Variants in TMEM51 observed in about 807,000 individuals in gnomAD.
TMEM51 encodes the protein transmembrane protein 51, also known as chromosome 1 open reading frame 72.
TMEM51 carries 8 observed loss-of-function variants against 13.6 expected under a neutral mutation model. The ratio of observed to expected loss-of-function variants is 0.59; its 90% confidence interval spans 0.35 to 1.07. The LOEUF is 1.07. Ranked by LOEUF, TMEM51 falls within the 50% of genes least tolerant of loss-of-function variation. The pLI, the probability that TMEM51 is intolerant of heterozygous loss-of-function variation, is 0.02. For missense variants in TMEM51, 279 were observed against 330.7 expected, an observed-to-expected ratio of 0.84 and a Z score of 1.21; for synonymous variants, 147 against 144.4, an observed-to-expected ratio of 1.02 and a Z score of -0.13.
chr1:15,155,576 C>G (rs1642562398), intron 1 of TMEM51, among the ~76,000 whole-genome samples: 2 of 152,196 alleles, frequency 1.3e-5, no homozygotes, highest in South Asian at 4.1e-4. Flanking sequence ...CATCAGGGAA[C>G]TGGAGTCCCC....
At chr1:15,210,614 G>C (rs1644323696) in intron 2 of TMEM51, 52 bp downstream of exon 2, 1 of 152,128 alleles carries the variant, frequency 6.6e-6, no homozygotes, top group African/African-American at 2.4e-5. Flanking sequence ...CTCAGATATA[G>C]AATCATTCAT....
At chr1:15,197,027 C>T (rs546638238) in intron 1 of TMEM51, among the ~76,000 whole-genome samples, 2 of 152,214 alleles carry the variant, frequency 1.3e-5, no homozygotes, top group African/African-American at 2.4e-5. Flanking sequence ...AGGACTCACT[C>T]CCTGCCGTTT....
chr1:15,156,464 G>A (rs1642596559), intron 1 of TMEM51, among the ~76,000 whole-genome samples: 1 of 152,226 alleles, frequency 6.6e-6, no homozygotes, highest in African/African-American at 2.4e-5. Context: ...TGGGAGTCAT[G>A]CAAAAGAGAA....
At chr1:15,155,149 C>T (rs1407377085) in intron 1 of TMEM51, among the ~76,000 whole-genome samples, 1 of 152,172 alleles carries the variant, frequency 6.6e-6, no homozygotes, top group Non-Finnish European at 1.5e-5. Context: ...TTGAGAGGTA[C>T]CCCCAGACTG....
chr1:15,169,549 G>A (rs1472083125), intron 1 of TMEM51, among the ~76,000 whole-genome samples: 19 of 152,128 alleles, frequency 1.2e-4, no homozygotes, highest in African/African-American at 3.1e-4. Flanking sequence ...AAAGCTGATC[G>A]CCCTTCCACC....
At chr1:15,213,707 G>T (rs189865205) in intron 2 of TMEM51, among the ~76,000 whole-genome samples, 58 of 152,290 alleles carry the variant, frequency 3.8e-4, no homozygotes, top group African/African-American at 1.3e-3. Flanking sequence ...TGTCCAGCTG[G>T]GCACAGGAGC....
intron 1 of TMEM51, among the ~76,000 whole-genome samples, chr1:15,154,735 A>G (rs1208455553): frequency 1.3e-5 from 2 of 152,150 alleles, no homozygotes; most frequent in Non-Finnish European, 2.9e-5. Context: ...TGGGGGCGAG[A>G]GACCTGGCCC....
intron 1 of TMEM51, among the ~76,000 whole-genome samples, chr1:15,165,639 C>A (rs1475266476): frequency 6.6e-6 from 1 of 152,118 alleles, no homozygotes; most frequent in Non-Finnish European, 1.5e-5. Context: ...CCCGAGGTAA[C>A]AATTTATGGT....
At chr1:15,164,658 G>C (rs1392767782) in intron 1 of TMEM51, among the ~76,000 whole-genome samples, 1 of 151,960 alleles carries the variant, frequency 6.6e-6, no homozygotes, top group Non-Finnish European at 1.5e-5. Flanking sequence ...TTATAAAAGA[G>C]ATTATTGAAA....
chr1:15,153,397 A>ACG (rs1030543000), upstream of TMEM51, among the ~76,000 whole-genome samples: 36 of 147,864 alleles, frequency 2.4e-4, no homozygotes, highest in Admixed American at 6.6e-4. Flanking sequence ...CGTCACACAC[A>ACG]CGCGCGTGCG....
chr1:15,213,613 A>G (rs553376132), intron 2 of TMEM51, among the ~76,000 whole-genome samples: 1 of 152,282 alleles, frequency 6.6e-6, no homozygotes, highest in East Asian at 1.9e-4. Context: ...CTCTCAACCA[A>G]CAAATGCTGT....
chr1:15,171,318 A>G (rs2100836976), intron 1 of TMEM51: 1 of 1,303,990 alleles, frequency 7.7e-7, no homozygotes, highest in Non-Finnish European at 1.0e-6. Context: ...TCTATGACCT[A>G]TGAGATAAGG....
chr1:15,219,890 C>G lies in TMEM51; in HGVS notation c.*147C>G, dbSNP rs1644491479. On this transcript the variant is annotated 3_prime_UTR_variant, in exon 4 of 4. Transcript: ENST00000376008. ...ATGGCGGCGGGCGGGGGGGGATTCTCTGTATCAGGAGTGACTTTGTTGCCC... is the reference window on the plus strand; with the variant it reads ...ATGGCGGCGGGCGGGGGGGGATTCTGTGTATCAGGAGTGACTTTGTTGCCC... 3 of 872,214 alleles carry G rather than the reference C, an allele frequency of 3.4e-6. No individual in the cohort carries two copies. Among genetic ancestry groups the G allele is most frequent in the East Asian group, 2.7e-5 (1 of 37,734 alleles). The allele number at this position is 872,214 out of a possible 1,614,324, so 54.0% of individuals were successfully genotyped here.
At position 15,219,919 on chromosome 1, in the gene TMEM51, A is replaced by G. The variant is rs772876634; in HGVS notation, c.*176A>G. ...ATCAGGAGTGACTTTGTTGCCCCAC[A>G]CAGCCTCCTGCTGCAGGTGCTTTGG... On this transcript the variant is annotated 3_prime_UTR_variant, in exon 4 of 4. Transcript: ENST00000376008. 1 of 667,934 alleles carries G rather than the reference A, an allele frequency of 1.5e-6. No homozygotes were observed. 41.4% of individuals were successfully genotyped at this position (667,934 alleles called of 1,614,324 possible). A position where few individuals can be genotyped will look rare whatever the true frequency, so the allele number is the denominator to read the frequency against.
rs370582066 is a variant in TMEM51 at position 15,219,742 on chromosome 1, G to A, written c.761G>A (p.Ter254=). Residue 254 remains the stop codon, a stop_retained_variant, in exon 4 of 4, where the codon TGA becomes TAA. Transcript: ENST00000376008. ...EKAPDTRPPD[*] ...GCCCCCGACACCCGGCCGCCCGACT[G>A]AATGGCCCCACTTGAGCCACGCTCC... 4 of 1,612,026 alleles carry A rather than the reference G, an allele frequency of 2.5e-6. No homozygotes were observed. Among genetic ancestry groups the A allele is most frequent in the African/African-American group, 1.3e-5 (1 of 74,790 alleles).
In TMEM51 at chr1:15,181,016, A is replaced by G. The variant is rs1031916623; in HGVS notation, c.-267+27062A>G. 2.0e-5 allele frequency among the ~76,000 whole-genome samples: 3 copies of G among 152,292 alleles called. No homozygotes were observed. In the East Asian group the frequency reaches 5.8e-4, roughly 29 times the overall value. On this transcript the variant is annotated intron_variant, in intron 1 of 3. Transcript: ENST00000376008. ...CCCCTGCAGACTGGACGGAGAATCC[A>G]TCGCTGGCTGAGTGAGAGCCTGTCC...
At chr1:15,168,719 AC>A (rs1209007907) in intron 1 of TMEM51, 1 of 1,304,496 alleles carries the variant, frequency 7.7e-7, no homozygotes, top group South Asian at 1.2e-5. Context: ...TGAGCCAGTG[AC>A]TGGGAACGTC....
chr1:15,170,138 G>A (rs1287598179), intron 1 of TMEM51, among the ~76,000 whole-genome samples: 4 of 150,122 alleles, frequency 2.7e-5, no homozygotes, highest in Non-Finnish European at 5.9e-5. Context: ...ACATTTTTAG[G>A]TGTTACTGTC....
At chr1:15,190,242 C>T (rs1404481073) in intron 1 of TMEM51, among the ~76,000 whole-genome samples, 1 of 152,176 alleles carries the variant, frequency 6.6e-6, no homozygotes, top group African/African-American at 2.4e-5. Context: ...AGGAACCTCT[C>T]TGGGCTCGAG....
Sources: allele counts gnomAD v4.1 joint callset (sites outside exome capture counted in the v4.1 genomes callset), GRCh38; gene constraint gnomAD v4.1.1; transcripts MANE v1.5; gene names NCBI Gene and HGNC (gene_info 2026-07-23, HGNC 2026-07-21).